SHISA2: variants seen among roughly 807,000 people sequenced by gnomAD.
The protein encoded by SHISA2 is shisa family member 2.
SHISA2 carries 16 observed loss-of-function variants against 23.8 expected under a neutral mutation model. The observed-to-expected ratio is 0.67, with a 90% confidence interval of 0.46 to 1.02. The LOEUF (loss-of-function observed/expected upper bound fraction) is 1.02, where lower values mean the gene tolerates loss of function less well. Among genes scored for constraint, SHISA2 ranks in the 50% least tolerant of loss-of-function variants. SHISA2 has a pLI of 0.00. For synonymous variants in SHISA2, 201 were observed against 178.6 expected, an observed-to-expected ratio of 1.13 and a Z score of -1.00; for missense variants, 459 against 420.1, an observed-to-expected ratio of 1.09 and a Z score of -0.81.
At chr13:26,048,184 T>G (rs1281783730) in intron 1 of SHISA2, among the ~76,000 whole-genome samples, 1 of 151,908 alleles carries the variant, frequency 6.6e-6, no homozygotes. Context: ...GCACCTATAA[T>G]CCCAGCTACT....
rs1236901254 is a variant in SHISA2, at chr13:26,051,617, G to A, written c.-642C>T. Among the ~76,000 whole-genome samples the A allele has an allele frequency of 2.0e-5, 3 of 151,918 alleles. No homozygotes were observed. The highest frequency in any genetic ancestry group is 2.0e-4 in the East Asian group (1 of 5,090). ...GGGGTGCAGCCCCGACGCTCCACTC[G>A]GCGGGGCCGACGGCCAATCTTCCCA... On this transcript the variant is annotated 5_prime_UTR_variant, in exon 1 of 2. Transcript: ENST00000319420.
intron 1 of SHISA2, among the ~76,000 whole-genome samples, chr13:26,049,571 A>AT (rs138382363): frequency 0.02 from 3,061 of 152,240 alleles, 93 homozygotes; most frequent in African/African-American, 0.07. Flanking sequence ...TGGTTCTGGA[A>AT]TTACGCTCTC....
intron 1 of SHISA2, among the ~76,000 whole-genome samples, chr13:26,049,615 C>T (rs887017646): frequency 6.6e-6 from 1 of 152,108 alleles, no homozygotes; most frequent in African/African-American, 2.4e-5. Flanking sequence ...ATAGGAGTAG[C>T]ATGCTAATAA....
intron 1 of SHISA2, among the ~76,000 whole-genome samples, chr13:26,048,631 G>A (rs753830367): frequency 2.0e-5 from 3 of 152,154 alleles, no homozygotes; most frequent in East Asian, 1.9e-4. Flanking sequence ...AGGAGACCAC[G>A]CCTTTGAGGT....
In SHISA2 at chr13:26,051,341, C is replaced by A. The variant is rs1400954095; in HGVS notation, c.-366G>T. On this transcript the variant is annotated 5_prime_UTR_variant, in exon 1 of 2. Coordinates refer to ENST00000319420, the MANE Select transcript of SHISA2 (RefSeq NM_001007538.2). Reference sequence around the variant, plus strand: ...ATCCCCGAAGGGATGCTCACTCGAGCCGAATGACCGCTGGGCGCGCCGCCG... The same window carrying A: ...ATCCCCGAAGGGATGCTCACTCGAGACGAATGACCGCTGGGCGCGCCGCCG... Among the ~76,000 whole-genome samples, 1 of 152,128 alleles carries A rather than the reference C, an allele frequency of 6.6e-6. No individual in the cohort carries two copies. The highest frequency in any genetic ancestry group is 1.5e-5 in the Non-Finnish European group (1 of 68,014).
chr13:26,047,768 T>C (rs373772793), intron 1 of SHISA2, among the ~76,000 whole-genome samples: 3 of 152,016 alleles, frequency 2.0e-5, no homozygotes, highest in African/African-American at 7.2e-5. Context: ...GGAGGGAAGT[T>C]ATTCCAGGCA....
rs1191750035 is a variant in SHISA2 at position 26,050,688 on chromosome 13, A to G, written c.288T>C (p.Ala96=). The change falls in exon 1 of 2, where the codon GCT becomes GCC. Residue 96 remains alanine, a synonymous_variant. Coordinates refer to ENST00000319420, the MANE Select transcript of SHISA2 (RefSeq NM_001007538.2). The stretch of plus-strand genomic sequence containing the variant: ...CTTTGTCCGCCCGGCCAGGCTCGCC[A>G]GCGCCCTGCTGGCGGTCATTGTCGC... The part of the protein sequence containing the change: ...GGCDNDRQQG[A]GEPGRADKDG... 14 of 1,467,556 alleles carry G rather than the reference A, an allele frequency of 9.5e-6. No homozygotes were observed. The highest frequency in any genetic ancestry group is 1.3e-5 in the Non-Finnish European group (14 of 1,117,412). 90.9% of individuals were successfully genotyped at this position (1,467,556 alleles called of 1,614,324 possible). A position where few individuals can be genotyped will look rare whatever the true frequency, so the allele number is the denominator to read the frequency against.
chr13:26,051,042 C>T lies in SHISA2; in HGVS notation c.-67G>A, dbSNP rs908687977. The T allele has an allele frequency of 3.0e-6, 4 of 1,334,002 alleles. No homozygotes were observed. Among genetic ancestry groups the T allele is most frequent in the Admixed American group, 3.2e-5 (1 of 31,478 alleles). 82.6% of individuals were successfully genotyped at this position (1,334,002 alleles called of 1,614,324 possible). On this transcript the variant is annotated 5_prime_UTR_variant, in exon 1 of 2. Transcript: ENST00000319420. Reference sequence around the variant, plus strand: ...AGGACGGTCTCCGAGAAGTCGTGGCCCCGGCGACCCCCGGGCCTCGTCACT... The same window carrying T: ...AGGACGGTCTCCGAGAAGTCGTGGCTCCGGCGACCCCCGGGCCTCGTCACT...
rs1957295067 is a variant in SHISA2 at position 26,050,582 on chromosome 13, C to T, written c.334+60G>A. On this transcript the variant is annotated intron_variant, in intron 1 of 1. Coordinates refer to ENST00000319420, the MANE Select transcript of SHISA2 (RefSeq NM_001007538.2). ...ATTTCCCCCCTTCAAACTCCCAGGT[C>T]CCTGACGTCCAGGCAACGCCAACCG... The T allele has an allele frequency of 2.9e-6, 4 of 1,360,900 alleles. No individual in the cohort carries two copies. In the African/African-American group the frequency reaches 4.6e-5, roughly 16 times the overall value. 84.3% of individuals were successfully genotyped at this position (1,360,900 alleles called of 1,614,324 possible). A position where few individuals can be genotyped will look rare whatever the true frequency, so the allele number is the denominator to read the frequency against.
rs1957307692 is a variant in SHISA2, at chr13:26,051,950, AAGCCGAGCGCAGCAGCCGCCCAC to A, written c.-998_-976del. 6.8e-6 allele frequency among the ~76,000 whole-genome samples: 1 copy of A among 147,480 alleles called. No homozygotes were observed. Among genetic ancestry groups the A allele is most frequent in the African/African-American group, 2.5e-5 (1 of 39,780 alleles). Reference sequence around the variant, plus strand: ...GTTTCTTTCCTCCGGGCTACGGGAGAAGCCGAGCGCAGCAGCCGCCCACAGCCTCGCCTCGCCCCGCCCGGCGC... The same window carrying A: ...GTTTCTTTCCTCCGGGCTACGGGAGAAGCCTCGCCTCGCCCCGCCCGGCGC... On this transcript the variant is annotated 5_prime_UTR_variant, in exon 1 of 2. Transcript: ENST00000319420.
At chr13:26,047,350 T>A (rs1320099400) in intron 1 of SHISA2, among the ~76,000 whole-genome samples, 1 of 152,206 alleles carries the variant, frequency 6.6e-6, no homozygotes, top group East Asian at 1.9e-4. Context: ...GAGCCAGATA[T>A]CCGATTTAGC....
chr13:26,050,525 A>C (rs1957294601), intron 1 of SHISA2, 117 bp downstream of exon 1: 1 of 1,069,494 alleles, frequency 9.4e-7, no homozygotes, highest in Admixed American at 4.1e-5. Flanking sequence ...CAGAAGGCAG[A>C]CTCCGCCTCC....
chr13:26,049,174 T>G (rs543294274), intron 1 of SHISA2, among the ~76,000 whole-genome samples: 1 of 152,168 alleles, frequency 6.6e-6, no homozygotes, highest in African/African-American at 2.4e-5. Flanking sequence ...TGGGGAGAAA[T>G]AAGTGTTCTC....
In SHISA2 at chr13:26,051,640, C is replaced by T. The variant is rs549573628; in HGVS notation, c.-665G>A. Among the ~76,000 whole-genome samples, 2 of 152,142 alleles carry T rather than the reference C, an allele frequency of 1.3e-5. No homozygotes were observed. The highest frequency in any genetic ancestry group is 4.8e-5 in the African/African-American group (2 of 41,544). On this transcript the variant is annotated 5_prime_UTR_variant, in exon 1 of 2. Transcript: ENST00000319420. ...TCGGCGGGGCCGACGGCCAATCTTC[C>T]CAGCACGTCGCCGAGGGAGCGCTCC...
chr13:26,049,862 T>C (rs1370247766), intron 1 of SHISA2, among the ~76,000 whole-genome samples: 6 of 26,934 alleles, frequency 2.2e-4, no homozygotes, highest in Admixed American at 6.0e-4. Flanking sequence ...CCGAAATAAA[T>C]AACACACACA....
rs1379928388 is a variant in SHISA2 at position 26,051,030 on chromosome 13, A to G, written c.-55T>C. The G allele has an allele frequency of 7.1e-7, 1 of 1,405,384 alleles. No individual in the cohort carries two copies. The highest frequency in any genetic ancestry group is 1.5e-5 in the African/African-American group (1 of 65,918). 87.1% of individuals were successfully genotyped at this position (1,405,384 alleles called of 1,614,324 possible). On this transcript the variant is annotated 5_prime_UTR_variant, in exon 1 of 2. Coordinates refer to ENST00000319420, the MANE Select transcript of SHISA2 (RefSeq NM_001007538.2). Reference sequence around the variant, plus strand: ...TCCAGAGAGCGCAGGACGGTCTCCGAGAAGTCGTGGCCCCGGCGACCCCCG... The same window carrying G: ...TCCAGAGAGCGCAGGACGGTCTCCGGGAAGTCGTGGCCCCGGCGACCCCCG...
rs1957305277 is a variant in SHISA2, at chr13:26,051,620, G to A, written c.-645C>T. ...GTGCAGCCCCGACGCTCCACTCGGC[G>A]GGGCCGACGGCCAATCTTCCCAGCA... On this transcript the variant is annotated 5_prime_UTR_variant, in exon 1 of 2. Coordinates refer to ENST00000319420, the MANE Select transcript of SHISA2 (RefSeq NM_001007538.2). Among the ~76,000 whole-genome samples, 1 of 152,034 alleles carries A rather than the reference G, an allele frequency of 6.6e-6. No individual in the cohort carries two copies. The highest frequency in any genetic ancestry group is 2.4e-5 in the African/African-American group (1 of 41,426).
chr13:26,048,347 T>C (rs1208524161), intron 1 of SHISA2, among the ~76,000 whole-genome samples: 1 of 152,098 alleles, frequency 6.6e-6, no homozygotes, highest in Non-Finnish European at 1.5e-5. Flanking sequence ...AAAAAAATCT[T>C]TTAGGAGCCA....
In SHISA2 at chr13:26,050,894, C is replaced by G. The variant is rs999981232; in HGVS notation, c.82G>C (p.Ala28Pro). Reference sequence around the variant, plus strand: ...TCGCCGCTGGCCCTCGCCCCCGCCGCCAGCAGCGCAGCCAGCAGCAGCTGC... The same window carrying G: ...TCGCCGCTGGCCCTCGCCCCCGCCGGCAGCAGCGCAGCCAGCAGCAGCTGC... The part of the protein sequence containing the change: ...LLQLLLAALL[A>P]AGARASGEYC... Residue 28 changes from alanine to proline, a missense_variant, in exon 1 of 2, where the codon GCG (alanine) becomes CCG (proline). By Grantham distance (27) the Ala-to-Pro change is conservative. Transcript: ENST00000319420. 1.4e-5 allele frequency: 21 copies of G among 1,519,586 alleles called. No homozygotes were observed. Among genetic ancestry groups the G allele is most frequent in the Middle Eastern group, 2.3e-4 (1 of 4,348 alleles). 94.1% of individuals were successfully genotyped at this position (1,519,586 alleles called of 1,614,324 possible). A position where few individuals can be genotyped will look rare whatever the true frequency, so the allele number is the denominator to read the frequency against.
Sources: gnomAD v4.1 joint callset for allele counts (sites outside exome capture counted in the v4.1 genomes callset) on GRCh38, gnomAD v4.1.1 for gene constraint, MANE v1.5 for transcripts, NCBI Gene and HGNC (gene_info 2026-07-23, HGNC 2026-07-21) for gene names.